Variants in PLCH2 observed in about 807,000 individuals in gnomAD.
PLCH2 encodes the protein 1-phosphatidylinositol 4,5-bisphosphate phosphodiesterase eta-2.
PLCH2 carries 98 observed loss-of-function variants against 134.7 expected under a neutral mutation model. The observed-to-expected ratio is 0.73, with a 90% CI of 0.62 to 0.86. The LOEUF is 0.86. Among genes scored for constraint, PLCH2 ranks in the 40% least tolerant of loss-of-function variants. The pLI is 0.00. For missense variants in PLCH2, 1,994 were observed against 1,986.6 expected (o/e 1.00, Z -0.07); for synonymous variants, 974 against 827.5 (o/e 1.18, Z -3.04).
chr1:2,472,297 G>T (rs574871770), upstream of PLCH2, among the ~76,000 whole-genome samples: 1 of 152,286 alleles, frequency 6.6e-6, no homozygotes, highest in Non-Finnish European at 1.5e-5. Context: ...CCAGGGGCCC[G>T]GCTGATCTCC....
chr1:2,421,064 C>G (rs1188302915), upstream of PLCH2, among the ~76,000 whole-genome samples: 3 of 151,920 alleles, frequency 2.0e-5, no homozygotes, highest in African/African-American at 7.3e-5. Context: ...CCTGCCTCAG[C>G]CTCCTGAGTA....
exon 1 of PLCH2, chr1:2,467,607 G>A: frequency 2.4e-6 from 1 of 410,652 alleles, no homozygotes; most frequent in South Asian, 8.1e-5. Context: ...ACTGGGATTG[G>A]CACCCGCCGG....
At chr1:2,494,460 T>C (rs1642763402) in intron 11 of PLCH2, 3 of 317,974 alleles carry the variant, frequency 9.4e-6, no homozygotes, top group African/African-American at 6.6e-5. Context: ...GTAAAAGGGT[T>C]GCGCAAGCAG....
At position 2,489,242 on chromosome 1, in the gene PLCH2, G is replaced by C; in HGVS notation, c.1271G>C (p.Ser424Thr). 4 of 1,613,938 alleles carry C rather than the reference G, an allele frequency of 2.5e-6. No homozygotes were observed. Among genetic ancestry groups the C allele is most frequent in the Non-Finnish European group, 3.4e-6 (4 of 1,179,892 alleles). Residue 424 changes from serine (S) to threonine (T), a missense_variant, in exon 9 of 22, where the codon AGT becomes ACT. By Grantham distance (58) the Ser-to-Thr change is moderately conservative. Around this residue, in one of 2 missense-constraint regions of PLCH2, gnomAD observed 1,094 missense variants for 1,234.3 expected, o/e 0.89. Coordinates refer to ENST00000378486, the MANE Select transcript of PLCH2 (RefSeq NM_014638.4). Reference sequence around the variant, plus strand: ...ATCCTGTCCATCGAAAACCACTGCAGTGTCATCCAGCAGAAGAAAATGGCC... The same window carrying C: ...ATCCTGTCCATCGAAAACCACTGCACTGTCATCCAGCAGAAGAAAATGGCC... ...PVILSIENHC[S>T]VIQQKKMAQY...
chr1:2,427,241 A>G (rs1570195825), intron 1 of PLCH2, among the ~76,000 whole-genome samples: 1 of 152,120 alleles, frequency 6.6e-6, no homozygotes, highest in East Asian at 1.9e-4. Context: ...AGTGGGCTGC[A>G]GTGGGGCGCC....
At chr1:2,451,658 C>G (rs1420210285) in intron 2 of PLCH2, among the ~76,000 whole-genome samples, 1 of 152,206 alleles carries the variant, frequency 6.6e-6, no homozygotes, top group Non-Finnish European at 1.5e-5. Context: ...AGAGGGTCAG[C>G]CACCGTTGGC....
In PLCH2 at chr1:2,459,579, TCCTTGCCGGTGGTCTTCCTTTCC is replaced by T. The variant is rs1640699332; in HGVS notation, c.116-18896_116-18874del. ...TGGTGGTCCTCCTTGCCGGTGGTCCTCCTTGCCGGTGGTCTTCCTTTCCGGTGGTCCTCCTTGCCTGTGGTCCT... is the reference window on the plus strand; with the variant it reads ...TGGTGGTCCTCCTTGCCGGTGGTCCTGGTGGTCCTCCTTGCCTGTGGTCCT... On this transcript the variant is annotated intron_variant, in intron 2 of 3. Transcript: ENST00000609981. Among the ~76,000 whole-genome samples the T allele has an allele frequency of 2.1e-5, 3 of 145,662 alleles. 1 individual carries two copies. Among genetic ancestry groups the T allele is most frequent in the African/African-American group, 7.5e-5 (3 of 39,786 alleles).
In PLCH2 at chr1:2,505,395, CGGGGCCCACAGGA is replaced by C; in HGVS notation, c.*188_*200del. The stretch of plus-strand genomic sequence containing the variant: ...GGAGGAAAGGCTAAAGCTGCTGGCC[CGGGGCCCACAGGA>C]GGGGCTTCGAGGCTGGCCCTGCCAG... On this transcript the variant is annotated 3_prime_UTR_variant, in exon 22 of 22. Coordinates refer to ENST00000378486, the MANE Select transcript of PLCH2 (RefSeq NM_014638.4). 1.7e-6 allele frequency: 1 copy of C among 580,734 alleles called. No individual in the cohort carries two copies. Among genetic ancestry groups the C allele is most frequent in the Admixed American group, 3.5e-5 (1 of 28,828 alleles). 36.0% of individuals were successfully genotyped at this position (580,734 alleles called of 1,614,324 possible). A position where few individuals can be genotyped will look rare whatever the true frequency, so the allele number is the denominator to read the frequency against.
upstream of PLCH2, among the ~76,000 whole-genome samples, chr1:2,466,489 C>T (rs1039231704): frequency 2.6e-5 from 4 of 152,204 alleles, no homozygotes; most frequent in Non-Finnish European, 4.4e-5. Context: ...TCCCCCTCCA[C>T]ACCTGGGGCC....
the PLCH2 span, among the ~76,000 whole-genome samples, chr1:2,417,882 G>C: frequency 4.3e-4 from 66 of 152,226 alleles, no homozygotes; most frequent in Non-Finnish European, 7.5e-4. Flanking sequence ...CCTGTCAAGT[G>C]GGGGAATAGA....
chr1:2,483,883 C>G (rs1642132905), intron 4 of PLCH2, among the ~76,000 whole-genome samples: 2 of 90,730 alleles, frequency 2.2e-5, no homozygotes, highest in Admixed American at 1.1e-4. Context: ...GTGTGGGTGG[C>G]GCTGACTCCC....
chr1:2,442,696 C>T (rs747285146), intron 2 of PLCH2, among the ~76,000 whole-genome samples: 7 of 152,196 alleles, frequency 4.6e-5, no homozygotes, highest in African/African-American at 1.4e-4. Flanking sequence ...CTAGGGTGAA[C>T]GCTGTGGCTT....
In PLCH2 at chr1:2,432,876, C is replaced by G. The variant is rs555582476; in HGVS notation, c.115+2247C>G. Among the ~76,000 whole-genome samples the G allele has an allele frequency of 2.6e-5, 4 of 152,320 alleles. No homozygotes were observed. The East Asian group carries it at 5.8e-4, about 22-fold the overall frequency. On this transcript the variant is annotated intron_variant, in intron 2 of 3. Coordinates refer to the PLCH2 transcript ENST00000609981. ...CTGGGAGGCGCCTGGAGGTCTTTCCCGTCCGTCAGGTGGGGAGGGGTCTGT... is the reference window on the plus strand; with the variant it reads ...CTGGGAGGCGCCTGGAGGTCTTTCCGGTCCGTCAGGTGGGGAGGGGTCTGT...
At chr1:2,446,475 C>G (rs2100542664) in intron 2 of PLCH2, among the ~76,000 whole-genome samples, 2 of 152,334 alleles carry the variant, frequency 1.3e-5, no homozygotes, top group South Asian at 4.1e-4. Flanking sequence ...AGGCCCCTCC[C>G]TCCCCCCAGC....
intron 2 of PLCH2, among the ~76,000 whole-genome samples, chr1:2,433,577 C>T (rs1639174424): frequency 6.6e-6 from 1 of 152,206 alleles, no homozygotes; most frequent in East Asian, 1.9e-4. Context: ...CAGGAGCCTC[C>T]CCGGGGGCTT....
At chr1:2,467,305 A>G (rs1209526662), upstream of PLCH2, among the ~76,000 whole-genome samples, 1 of 152,096 alleles carries the variant, frequency 6.6e-6, no homozygotes, top group African/African-American at 2.4e-5. Flanking sequence ...AGCTCCCGCC[A>G]GAGACCCCAG....
rs747707446 is a variant in PLCH2, at chr1:2,498,621, G to A, written c.2323G>A (p.Asp775Asn). 5.1e-5 allele frequency: 80 copies of A among 1,573,400 alleles called. No homozygotes were observed. Among genetic ancestry groups the A allele is most frequent in the South Asian group, 8.1e-5 (7 of 86,792 alleles). ...ISGQQLPKPR[D>N]SMLGDRGEII... Reference sequence around the variant, plus strand: ...TGGCCAGCAGCTTCCCAAGCCGCGCGACTCCATGCTGGGGGACCGTGGGGA... The same window carrying A: ...TGGCCAGCAGCTTCCCAAGCCGCGCAACTCCATGCTGGGGGACCGTGGGGA... The change falls in exon 17 of 22, where the codon GAC becomes AAC. Residue 775 changes from aspartate (D) to asparagine (N), a missense_variant. By Grantham distance (23) the Asp-to-Asn change is conservative. This residue lies in a region of PLCH2 where 1,094 missense variants were observed against 1,234.3 expected (regional missense o/e 0.89). Coordinates refer to ENST00000378486, the MANE Select transcript of PLCH2 (RefSeq NM_014638.4). The surrounding 1 kb of genome is among the most constrained non-coding windows in gnomAD (Gnocchi z 5.4).
intron 2 of PLCH2, among the ~76,000 whole-genome samples, chr1:2,455,207 C>T (rs968317439): frequency 6.6e-6 from 1 of 152,218 alleles, no homozygotes; most frequent in Non-Finnish European, 1.5e-5. Context: ...GCATGGGACC[C>T]TCGGCTGTGG....
chr1:2,453,502 C>A (rs1423044540), intron 2 of PLCH2, among the ~76,000 whole-genome samples: 26 of 152,194 alleles, frequency 1.7e-4, no homozygotes, highest in Non-Finnish European at 1.5e-5. Flanking sequence ...TGACAGTGAT[C>A]TGGGCTGAGA....
Sources: gnomAD v4.1 joint callset for allele counts (sites outside exome capture counted in the v4.1 genomes callset) on GRCh38, gnomAD v4.1.1 for gene constraint, gnomAD v4.1.1 regional missense constraint, Gnocchi (gnomAD v3.1) non-coding constraint, MANE v1.5 for transcripts, NCBI Gene and HGNC (gene_info 2026-07-23, HGNC 2026-07-21) for gene names.